The following SPAG16 variants were observed in gnomAD, a reference collection of about 807,000 sequenced individuals.
SPAG16 encodes sperm-associated antigen 16 protein.
A neutral mutation model predicts 80.4 loss-of-function variants in SPAG16; 86 were observed. That is an observed-to-expected ratio of 1.07 (90% CI 0.90 to 1.28). SPAG16 has a LOEUF of 1.28. Ranked by LOEUF, SPAG16 falls within the 50% of genes most tolerant of loss-of-function variation. The pLI, the probability that SPAG16 is intolerant of heterozygous loss-of-function variation, is 0.00. For missense variants in SPAG16, 870 were observed against 765.3 expected (o/e 1.14, Z -1.61); for synonymous variants, 294 against 265.9 (o/e 1.11, Z -1.03).
At chr2:214,198,298 G>C (rs150917551) in intron 15 of SPAG16, among the ~76,000 whole-genome samples, 81 of 151,932 alleles carry the variant, frequency 5.3e-4, no homozygotes, top group African/African-American at 1.8e-3. Context: ...TCATTCTTAG[G>C]CCTTTGCATA....
intron 9 of SPAG16, among the ~76,000 whole-genome samples, chr2:213,478,821 A>G (rs1253501219): frequency 6.6e-6 from 1 of 152,144 alleles, no homozygotes; most frequent in Non-Finnish European, 1.5e-5. Context: ...ATTCTTATCC[A>G]TTCATCTTCT....
chr2:213,898,066 T>C (rs1288094061), intron 11 of SPAG16, among the ~76,000 whole-genome samples: 8 of 152,190 alleles, frequency 5.3e-5, no homozygotes, highest in Non-Finnish European at 8.8e-5. Context: ...CTTAGTTTGA[T>C]CTACCCTATA....
chr2:214,069,782 C>T (rs2125219779), intron 13 of SPAG16, among the ~76,000 whole-genome samples: 1 of 151,102 alleles, frequency 6.6e-6, no homozygotes, highest in Admixed American at 6.6e-5. Flanking sequence ...CCTAAATTTT[C>T]TAAAAAAAAT....
chr2:213,718,901 A>G (rs1301241224), intron 10 of SPAG16, among the ~76,000 whole-genome samples: 1 of 152,194 alleles, frequency 6.6e-6, no homozygotes, highest in Non-Finnish European at 1.5e-5. Context: ...ACTGGCAGGC[A>G]GCTCCACCTG....
intron 9 of SPAG16, among the ~76,000 whole-genome samples, chr2:213,409,708 G>A (rs1036762086): frequency 4.6e-5 from 7 of 151,956 alleles, no homozygotes; most frequent in African/African-American, 7.3e-5. Context: ...TTAGCTCATC[G>A]GGTATAAAAA....
intron 10 of SPAG16, among the ~76,000 whole-genome samples, chr2:213,761,344 T>C (rs1368430638): frequency 1.3e-5 from 2 of 152,056 alleles, no homozygotes; most frequent in African/African-American, 2.4e-5. Flanking sequence ...TTACAATGTA[T>C]GGAACTAGAA....
intron 13 of SPAG16, among the ~76,000 whole-genome samples, chr2:214,099,494 T>G (rs2125359373): frequency 6.6e-6 from 1 of 152,226 alleles, no homozygotes; most frequent in South Asian, 2.1e-4. Context: ...AGTTTTAAAC[T>G]CTGCAACTTC....
chr2:213,576,665 C>A (rs1216688522), intron 10 of SPAG16, among the ~76,000 whole-genome samples: 3 of 152,112 alleles, frequency 2.0e-5, no homozygotes, highest in Non-Finnish European at 4.4e-5. Flanking sequence ...GAGATCATGT[C>A]CTTTGCAGGA....
intron 12 of SPAG16, among the ~76,000 whole-genome samples, chr2:214,001,305 T>C (rs995955302): frequency 5.9e-5 from 9 of 152,246 alleles, no homozygotes; most frequent in Non-Finnish European, 1.3e-4. Context: ...TGACCTTTTC[T>C]ATCTATCTAT....
chr2:213,908,218 C>G (rs2077509808), intron 11 of SPAG16, among the ~76,000 whole-genome samples: 1 of 152,102 alleles, frequency 6.6e-6, no homozygotes, highest in Admixed American at 6.6e-5. Context: ...CCATGGAGCT[C>G]TACACAATGC....
intron 11 of SPAG16, among the ~76,000 whole-genome samples, chr2:213,882,861 T>A (rs900504034): frequency 3.9e-5 from 6 of 152,094 alleles, no homozygotes; most frequent in African/African-American, 1.4e-4. Context: ...TTCTTTGTTT[T>A]TGTTTTTCTT....
intron 15 of SPAG16, among the ~76,000 whole-genome samples, chr2:214,243,403 C>G (rs962628577): frequency 6.6e-6 from 1 of 152,042 alleles, no homozygotes; most frequent in Non-Finnish European, 1.5e-5. Context: ...AAACCTCTCT[C>G]TCTGAGTCAG....
chr2:214,330,811 G>A (rs1482159597), intron 15 of SPAG16, among the ~76,000 whole-genome samples: 1 of 152,158 alleles, frequency 6.6e-6, no homozygotes, highest in Non-Finnish European at 1.5e-5. Flanking sequence ...GAATGTTGTG[G>A]TGCCAAATGA....
intron 15 of SPAG16, chr2:214,250,090 T>G (rs1375919536): frequency 6.6e-6 from 1 of 152,168 alleles, no homozygotes; most frequent in Non-Finnish European, 1.5e-5. Context: ...ATTTCTTAAG[T>G]GCCTCAGACC....
intron 9 of SPAG16, among the ~76,000 whole-genome samples, chr2:213,439,672 C>T (rs766369810): frequency 6.6e-6 from 1 of 152,160 alleles, no homozygotes; most frequent in Non-Finnish European, 1.5e-5. Context: ...ATGAAGTCTG[C>T]ATGGTTTTGA....
At chr2:213,756,497 G>T (rs977297230) in intron 10 of SPAG16, among the ~76,000 whole-genome samples, 2 of 152,094 alleles carry the variant, frequency 1.3e-5, no homozygotes, top group Non-Finnish European at 2.9e-5. Context: ...TCTATGCCCA[G>T]ATAAATCTTT....
chr2:214,180,467 G>T (rs967043426), intron 15 of SPAG16, among the ~76,000 whole-genome samples: 1 of 151,602 alleles, frequency 6.6e-6, no homozygotes, highest in East Asian at 1.9e-4. Context: ...ATAGTATTTA[G>T]TATCCAAGTA....
chr2:213,862,625 C>T lies in SPAG16; in HGVS notation c.1211C>T (p.Pro404Leu). Residue 404 changes from proline (P) to leucine (L), a missense_variant, in exon 11 of 16, where the codon CCC becomes CTC. Pro to Leu is a moderately conservative substitution (Grantham distance 98, BLOSUM62 -3). Coordinates refer to ENST00000331683, the MANE Select transcript of SPAG16 (RefSeq NM_024532.5). ...TGGCTTTCAGACTGCTGCTTCCATC[C>T]CAGGTCAGTGCACAGGACCCCTAGA... Reference protein sequence around the residue: ...TDWLSDCCFHPSGDKLATSSG... With the variant: ...TDWLSDCCFHLSGDKLATSSG... The T allele has an allele frequency of 1.2e-6, 2 of 1,613,996 alleles. No homozygotes were observed. The highest frequency in any genetic ancestry group is 2.2e-5 in the East Asian group (1 of 44,866).
rs371349703 is a variant in SPAG16 at position 214,019,587 on chromosome 2, CAA to C, written c.1527+5514_1527+5515del. Among the ~76,000 whole-genome samples the C allele has an allele frequency of 4.5e-4, 68 of 152,242 alleles. No individual in the cohort carries two copies. The East Asian group carries it at 0.013, about 29-fold the overall frequency. ...ATAAAGTGGATAAACAAGGAACTCA[CAA>C]AAAGAGTTAACCTGTTGGCTCCTGT... On this transcript the variant is annotated intron_variant, in intron 13 of 15. Transcript: ENST00000331683.
Sources: gnomAD v4.1 joint callset for allele counts (sites outside exome capture counted in the v4.1 genomes callset) on GRCh38, gnomAD v4.1.1 for gene constraint, MANE v1.5 for transcripts, NCBI Gene and HGNC (gene_info 2026-07-23, HGNC 2026-07-21) for gene names.